NSMCE2: variants seen among roughly 807,000 people sequenced by gnomAD.
The protein encoded by NSMCE2 is E3 SUMO-protein ligase NSE2.
In NSMCE2, 24 loss-of-function variants were observed where a neutral mutation model predicts 23.8. The ratio of observed to expected loss-of-function variants is 1.01; its 90% CI spans 0.73 to 1.42. The LOEUF (loss-of-function observed/expected upper bound fraction) is 1.42, where lower values mean the gene tolerates loss of function less well. Ranked by LOEUF, NSMCE2 falls within the 40% of genes most tolerant of loss-of-function variation. NSMCE2 has a pLI of 0.00. For synonymous variants in NSMCE2, 92 were observed against 94.1 expected, an observed-to-expected ratio of 0.98 and a Z score of 0.13; for missense variants, 284 against 296.5, an observed-to-expected ratio of 0.96 and a Z score of 0.31.
intron 5 of NSMCE2, among the ~76,000 whole-genome samples, chr8:125,322,201 T>C (rs1829485921): frequency 1.3e-5 from 2 of 152,002 alleles, no homozygotes; most frequent in Admixed American, 1.3e-4. Context: ...ACCGTGTCTC[T>C]ACAAAGAAAT....
In NSMCE2 at chr8:125,184,948, CT is replaced by C. The variant is rs547540150; in HGVS notation, c.418+2694del. ...AATAGAGGCCAGAGAGAGAGACTTG[CT>C]TCTAGATGCCTGTTTTGACAGAGTA... On this transcript the variant is annotated intron_variant, in intron 5 of 7. Transcript: ENST00000287437. Among the ~76,000 whole-genome samples the C allele has an allele frequency of 7.9e-5, 12 of 152,226 alleles. No individual in the cohort carries two copies. In the East Asian group the frequency reaches 2.3e-3, roughly 29 times the overall value.
chr8:125,121,801 T>C (rs571034072), intron 3 of NSMCE2, among the ~76,000 whole-genome samples: 31 of 152,312 alleles, frequency 2.0e-4, no homozygotes, highest in African/African-American at 7.0e-4. Flanking sequence ...GTAGGTATCA[T>C]TACCATTATA....
At position 125,362,363 on chromosome 8, in the gene NSMCE2, C is replaced by T. The variant is rs567099270; in HGVS notation, c.627-4405C>T. Among the ~76,000 whole-genome samples the T allele has an allele frequency of 7.2e-5, 11 of 152,324 alleles. No homozygotes were observed. In the East Asian group the frequency reaches 1.7e-3, roughly 24 times the overall value. ...TCCTTCCCAGTTCCAGCATCAACCT[C>T]GCCTCCAGGAAGTCTTCCCTGAGCC... On this transcript the variant is annotated intron_variant, in intron 7 of 7. Transcript: ENST00000287437.
At chr8:125,240,966 C>G (rs571673907) in intron 5 of NSMCE2, among the ~76,000 whole-genome samples, 2 of 152,266 alleles carry the variant, frequency 1.3e-5, no homozygotes, top group South Asian at 4.1e-4. Context: ...TAGCAGCTTC[C>G]ATGGTCACTG....
chr8:125,286,444 C>G (rs1341560434), intron 5 of NSMCE2, among the ~76,000 whole-genome samples: 1 of 151,784 alleles, frequency 6.6e-6, no homozygotes, highest in Non-Finnish European at 1.5e-5. Flanking sequence ...TCCCAAGTAG[C>G]TGGGATTACA....
At chr8:125,133,471 G>A (rs1819874832) in intron 3 of NSMCE2, among the ~76,000 whole-genome samples, 1 of 152,132 alleles carries the variant, frequency 6.6e-6, no homozygotes, top group African/African-American at 2.4e-5. Flanking sequence ...CGGGTGTGGT[G>A]GCTCATGCCT....
chr8:125,299,804 C>CTTGTTTTTTTTT, intron 5 of NSMCE2, among the ~76,000 whole-genome samples: 1 of 70,242 alleles, frequency 1.4e-5, no homozygotes, highest in Non-Finnish European at 2.6e-5. Context: ...TTTTGGCTTT[C>CTTGTTTTTTTTT]TTTTTTTTTT....
At chr8:125,278,203 A>G (rs1182928842) in intron 5 of NSMCE2, among the ~76,000 whole-genome samples, 1 of 152,206 alleles carries the variant, frequency 6.6e-6, no homozygotes, top group East Asian at 1.9e-4. Context: ...TCTTTTATTT[A>G]TAAAAAGAAA....
intron 5 of NSMCE2, among the ~76,000 whole-genome samples, chr8:125,274,533 C>T (rs1204498953): frequency 6.6e-6 from 1 of 152,182 alleles, no homozygotes; most frequent in African/African-American, 2.4e-5. Flanking sequence ...TGGTCCATAA[C>T]ATTTCCAGTT....
intron 5 of NSMCE2, among the ~76,000 whole-genome samples, chr8:125,343,750 C>T (rs1830331790): frequency 6.6e-6 from 1 of 152,158 alleles, no homozygotes; most frequent in South Asian, 2.1e-4. Context: ...AATCCCAGCA[C>T]TTTGGGAGGC....
chr8:125,167,110 T>C (rs1354630360), intron 4 of NSMCE2, among the ~76,000 whole-genome samples: 1 of 152,228 alleles, frequency 6.6e-6, no homozygotes, highest in Non-Finnish European at 1.5e-5. Context: ...CAGACTTCTT[T>C]CACTTTCACT....
chr8:125,359,230 G>A (rs1171231038), intron 7 of NSMCE2, among the ~76,000 whole-genome samples: 1 of 144,870 alleles, frequency 6.9e-6, no homozygotes, highest in East Asian at 2.1e-4. Context: ...TCATGCCACT[G>A]CACCCAGCCT....
intron 3 of NSMCE2, among the ~76,000 whole-genome samples, chr8:125,123,128 A>G (rs1053798196): frequency 4.6e-5 from 7 of 152,180 alleles, no homozygotes; most frequent in African/African-American, 1.7e-4. Flanking sequence ...AAATATATAT[A>G]TATATTTTTC....
At chr8:125,196,995 T>G (rs1003449608) in intron 5 of NSMCE2, among the ~76,000 whole-genome samples, 3 of 152,246 alleles carry the variant, frequency 2.0e-5, no homozygotes, top group Admixed American at 6.5e-5. Flanking sequence ...CGCATAAATG[T>G]CTTCTTTTGG....
At chr8:125,341,913 A>ACC (rs1830266918) in intron 5 of NSMCE2, among the ~76,000 whole-genome samples, 1 of 151,654 alleles carries the variant, frequency 6.6e-6, no homozygotes, top group Non-Finnish European at 1.5e-5. Flanking sequence ...AAAAAAAAAA[A>ACC]AAAAAAAAAC....
In NSMCE2 at chr8:125,151,246, A is replaced by C; in HGVS notation, c.233A>C (p.Tyr78Ser). 6.2e-7 allele frequency: 1 copy of C among 1,601,424 alleles called. No individual in the cohort carries two copies. Among genetic ancestry groups the C allele is most frequent in the Non-Finnish European group, 8.6e-7 (1 of 1,169,088 alleles). The change falls in exon 4 of 8, where the codon TAT (tyrosine) becomes TCT (serine). Residue 78 changes from tyrosine to serine, a missense_variant. By Grantham distance (144) the Tyr-to-Ser change is moderately radical. Around this residue, in one of 2 missense-constraint regions of NSMCE2, gnomAD observed 182 missense variants for 155.5 expected, o/e 1.17. Transcript: ENST00000287437. ...ACATTGGATCGGCAACTAAACCATT[A>C]TGTAAAGGCTGTTCAATCTACAATA... ...FATLDRQLNH[Y>S]VKAVQSTINH...
At chr8:125,328,573 C>T (rs950448945) in intron 5 of NSMCE2, among the ~76,000 whole-genome samples, 1 of 152,180 alleles carries the variant, frequency 6.6e-6, no homozygotes, top group African/African-American at 2.4e-5. Context: ...GAGTAGTTCT[C>T]TCATGAGAGC....
intron 5 of NSMCE2, among the ~76,000 whole-genome samples, chr8:125,245,890 G>C (rs1825943243): frequency 6.6e-6 from 1 of 152,022 alleles, no homozygotes; most frequent in African/African-American, 2.4e-5. Context: ...ACTAGGTGTG[G>C]TGAGGCACCT....
At chr8:125,209,620 G>C (rs1824247209) in intron 5 of NSMCE2, among the ~76,000 whole-genome samples, 1 of 152,058 alleles carries the variant, frequency 6.6e-6, no homozygotes, top group African/African-American at 2.4e-5. Flanking sequence ...GTAAATTAAA[G>C]GTAGTTTTTC....
Sources: gnomAD v4.1 joint callset for allele counts (sites outside exome capture counted in the v4.1 genomes callset) on GRCh38, gnomAD v4.1.1 for gene constraint, gnomAD v4.1.1 regional missense constraint, MANE v1.5 for transcripts, NCBI Gene and HGNC (gene_info 2026-07-23, HGNC 2026-07-21) for gene names.